Variants in MLIP observed in about 807,000 individuals in gnomAD.
The protein encoded by MLIP is muscular LMNA interacting protein.
MLIP carries 79 observed loss-of-function variants against 84.8 expected under a neutral mutation model. The observed-to-expected ratio is 0.93, with a 90% CI of 0.78 to 1.12. The LOEUF (loss-of-function observed/expected upper bound fraction) is 1.12. MLIP is among the 50% of genes most tolerant of loss of function. The probability of loss-of-function intolerance (pLI) is 0.00; values close to 1 mark genes in which losing one functional copy is unlikely to be tolerated. For synonymous variants in MLIP, 504 were observed against 463.0 expected (o/e 1.09, Z -1.14); for missense variants, 1,257 against 1,160.6 (o/e 1.08, Z -1.21).
At chr6:54,154,153 C>T in intron 5 of MLIP, among the ~76,000 whole-genome samples, 1 of 152,166 alleles carries the variant, frequency 6.6e-6, no homozygotes, top group Middle Eastern at 3.4e-3. Context: ...ATACTATATT[C>T]TTTACTAAAT....
At chr6:54,117,743 G>A (rs570219499) in intron 1 of MLIP, among the ~76,000 whole-genome samples, 2 of 150,884 alleles carry the variant, frequency 1.3e-5, no homozygotes, top group Non-Finnish European at 3.0e-5. Context: ...TCAGGAGATC[G>A]ACACCATCCT....
At chr6:54,161,445 A>G (rs1774629374) in intron 8 of MLIP, among the ~76,000 whole-genome samples, 2 of 151,976 alleles carry the variant, frequency 1.3e-5, no homozygotes, top group South Asian at 2.1e-4. Context: ...ATAAAATAAT[A>G]CATTTCTCCA....
chr6:54,221,304 G>C (rs1286665595), intron 11 of MLIP, among the ~76,000 whole-genome samples: 1 of 151,626 alleles, frequency 6.6e-6, no homozygotes, highest in Non-Finnish European at 1.5e-5. Context: ...ATCTCGTCCA[G>C]GAAATCCATT....
intron 1 of MLIP, among the ~76,000 whole-genome samples, chr6:54,036,071 T>C (rs1258478152): frequency 6.6e-6 from 1 of 152,028 alleles, no homozygotes; most frequent in African/African-American, 2.4e-5. Context: ...GATATTCTCC[T>C]AATTTTTAAA....
chr6:54,071,518 GTAA>G (rs1338768941), intron 1 of MLIP, among the ~76,000 whole-genome samples: 1 of 151,962 alleles, frequency 6.6e-6, no homozygotes, highest in Non-Finnish European at 1.5e-5. Flanking sequence ...AGAGCTAAAA[GTAA>G]TAATGAGTTA....
intron 8 of MLIP, among the ~76,000 whole-genome samples, chr6:54,164,408 T>C (rs1469337276): frequency 6.6e-6 from 1 of 152,010 alleles, no homozygotes. Flanking sequence ...TATTCTTTCC[T>C]TCAATTCCTG....
intron 9 of MLIP, among the ~76,000 whole-genome samples, chr6:54,178,405 AATTT>A (rs1412316237): frequency 6.6e-6 from 1 of 151,788 alleles, no homozygotes; most frequent in African/African-American, 2.4e-5. Flanking sequence ...CTTTGTTTCA[AATTT>A]ATTTATTTCT....
intron 12 of MLIP, among the ~76,000 whole-genome samples, chr6:54,255,470 AT>A (rs1199934989): frequency 2.0e-5 from 3 of 152,180 alleles, no homozygotes; most frequent in Non-Finnish European, 1.5e-5. Flanking sequence ...TTAATATCAC[AT>A]TTTTAGTCAG....
At chr6:54,054,068 G>T (rs1392904033) in intron 1 of MLIP, among the ~76,000 whole-genome samples, 1 of 152,172 alleles carries the variant, frequency 6.6e-6, no homozygotes, top group Non-Finnish European at 1.5e-5. Context: ...ACTCACTGGT[G>T]CTCAGGAATG....
intron 1 of MLIP, among the ~76,000 whole-genome samples, chr6:54,084,559 C>T (rs569761676): frequency 8.2e-4 from 125 of 152,174 alleles, no homozygotes; most frequent in African/African-American, 3.0e-3. Context: ...TTTTCTATAC[C>T]TCAAGCAGGT....
chr6:54,232,280 T>G (rs546014218), intron 12 of MLIP, among the ~76,000 whole-genome samples: 1 of 152,298 alleles, frequency 6.6e-6, no homozygotes, highest in African/African-American at 2.4e-5. Context: ...TTTACAGATA[T>G]CCGTTACATG....
intron 9 of MLIP, among the ~76,000 whole-genome samples, chr6:54,187,290 A>G (rs1777490629): frequency 2.0e-5 from 3 of 152,232 alleles, no homozygotes; most frequent in Admixed American, 6.5e-5. Context: ...AGAAATCCAA[A>G]TTACCAAAAT....
chr6:54,148,672 G>T (rs945650415), intron 4 of MLIP, among the ~76,000 whole-genome samples: 1 of 152,128 alleles, frequency 6.6e-6, no homozygotes, highest in Non-Finnish European at 1.5e-5. Flanking sequence ...TTGTGACACT[G>T]TAGAAAAGAA....
chr6:54,095,779 TCA>T (rs1200349440), intron 1 of MLIP, among the ~76,000 whole-genome samples: 2 of 152,084 alleles, frequency 1.3e-5, no homozygotes, highest in African/African-American at 4.8e-5. Flanking sequence ...GTTTGCAGAG[TCA>T]GAATCTCTGT....
At chr6:54,122,543 A>G (rs1339579546) in intron 2 of MLIP, among the ~76,000 whole-genome samples, 1 of 152,266 alleles carries the variant, frequency 6.6e-6, no homozygotes, top group Non-Finnish European at 1.5e-5. Context: ...ATTAGAAAGG[A>G]GTAAAATAAT....
chr6:54,184,017 T>G (rs1045201261), intron 9 of MLIP, among the ~76,000 whole-genome samples: 3 of 152,138 alleles, frequency 2.0e-5, no homozygotes, highest in Non-Finnish European at 4.4e-5. Flanking sequence ...AGACAGAGTC[T>G]TTATCATTTT....
rs549751859 is a variant in MLIP, at chr6:54,186,141, T to A, written c.2545-3729T>A. The stretch of plus-strand genomic sequence containing the variant: ...ATCATTGTTTGGTGATTCATACTCC[T>A]ATATACTTGGTGATAACATGGAACC... On this transcript the variant is annotated intron_variant, in intron 9 of 13. Transcript: ENST00000502396. 1.4e-4 allele frequency among the ~76,000 whole-genome samples: 21 copies of A among 152,328 alleles called. No individual in the cohort carries two copies. In the South Asian group the frequency reaches 3.5e-3, roughly 26 times the overall value.
intron 13 of MLIP, among the ~76,000 whole-genome samples, chr6:54,258,827 T>C (rs145196798): frequency 0.013 from 1,984 of 152,056 alleles, 39 homozygotes; most frequent in African/African-American, 0.045. Flanking sequence ...CTAGGAAGTG[T>C]CTCCACAATC....
chr6:54,143,704 G>T (rs1020080939), intron 4 of MLIP, among the ~76,000 whole-genome samples: 2 of 152,164 alleles, frequency 1.3e-5, no homozygotes, highest in African/African-American at 2.4e-5. Context: ...AGCCAGGCTT[G>T]TCTAGGACTT....
Sources: gnomAD v4.1 joint callset for allele counts (sites outside exome capture counted in the v4.1 genomes callset) on GRCh38, gnomAD v4.1.1 for gene constraint, MANE v1.5 for transcripts, NCBI Gene and HGNC (gene_info 2026-07-23, HGNC 2026-07-21) for gene names.